STAT4: variants seen among roughly 807,000 people sequenced by gnomAD.
STAT4 encodes the protein signal transducer and activator of transcription 4.
Under a neutral mutation model 110.5 loss-of-function variants are expected in STAT4, and 42 were observed. That is an observed-to-expected ratio of 0.38 (90% CI 0.30 to 0.49). The LOEUF (loss-of-function observed/expected upper bound fraction) is 0.49, where lower values mean the gene tolerates loss of function less well. Ranked by LOEUF, STAT4 falls within the 20% of genes least tolerant of loss-of-function variation. The pLI, the probability that STAT4 is intolerant of heterozygous loss-of-function variation, is 0.95. For synonymous variants in STAT4, 284 were observed against 302.2 expected (o/e 0.94, Z 0.63); for missense variants, 632 against 887.9 (o/e 0.71, Z 3.66).
chr2:191,065,558 C>CAA (rs1458024660), intron 7 of STAT4, among the ~76,000 whole-genome samples: 6 of 152,058 alleles, frequency 3.9e-5, no homozygotes, highest in Non-Finnish European at 8.8e-5. Context: ...GAATTATTGT[C>CAA]AAAGTTCCTT....
rs1699574924 is a variant in STAT4 at position 191,150,769 on chromosome 2, C to G, written c.-2+178G>C. Among the ~76,000 whole-genome samples, 2 of 152,208 alleles carry G rather than the reference C, an allele frequency of 1.3e-5. No homozygotes were observed. The highest frequency in any genetic ancestry group is 4.1e-4 in the South Asian group (2 of 4,832). Reference sequence around the variant, plus strand: ...GAGCGGTTTCCGCGGAGAACCCGTGCCAGGGCGCATCTGTGGGTCGTGGAG... The same window carrying G: ...GAGCGGTTTCCGCGGAGAACCCGTGGCAGGGCGCATCTGTGGGTCGTGGAG... On this transcript the variant is annotated intron_variant, in intron 1 of 23. Coordinates refer to ENST00000392320, the MANE Select transcript of STAT4 (RefSeq NM_003151.4). The surrounding 1 kb of genome is among the most constrained non-coding windows in gnomAD (Gnocchi z 6.4).
rs1436012486 is a variant in STAT4 at position 191,066,975 on chromosome 2, A to G, written c.545-460T>C. On this transcript the variant is annotated intron_variant, in intron 6 of 23. Coordinates refer to ENST00000392320, the MANE Select transcript of STAT4 (RefSeq NM_003151.4). This position sits in a 1 kb window ranked among gnomAD's most constrained non-coding sequence, Gnocchi z 4.3. ...GCTTCATATGCAGGTTTTATGAGAA[A>G]CTGCCTGATAGAGTTACAGTCTTAT... Among the ~76,000 whole-genome samples, 2 of 151,856 alleles carry G rather than the reference A, an allele frequency of 1.3e-5. No homozygotes were observed. Among genetic ancestry groups the G allele is most frequent in the African/African-American group, 4.8e-5 (2 of 41,328 alleles).
rs1696244391 is a variant in STAT4 at position 191,042,799 on chromosome 2, G to T, written c.1252-1651C>A. On this transcript the variant is annotated intron_variant, in intron 14 of 23. Coordinates refer to ENST00000392320, the MANE Select transcript of STAT4 (RefSeq NM_003151.4). The surrounding 1 kb of genome is among the most constrained non-coding windows in gnomAD (Gnocchi z 4.2). Reference sequence around the variant, plus strand: ...TCTCTTTTTTTTTTTTCTTTTTTGAGATGCAGTTTTGCTCTTGTTGCCCAG... The same window carrying T: ...TCTCTTTTTTTTTTTTCTTTTTTGATATGCAGTTTTGCTCTTGTTGCCCAG... 6.7e-6 allele frequency among the ~76,000 whole-genome samples: 1 copy of T among 148,308 alleles called. No homozygotes were observed. The highest frequency in any genetic ancestry group is 6.8e-5 in the Admixed American group (1 of 14,788).
chr2:191,071,097 G>T (rs931023493), intron 5 of STAT4, among the ~76,000 whole-genome samples: 53 of 152,196 alleles, frequency 3.5e-4, no homozygotes, highest in Non-Finnish European at 3.7e-4. Context: ...CCCACCCGTA[G>T]TAATAACAGC....
rs1023799526 is a variant in STAT4, at chr2:191,062,471, T to C, written c.941+291A>G. ...TTCTCCATCCTTCATTTCATGGATA[T>C]GCACATAAGAAAAAACCCTTGAAAT... On this transcript the variant is annotated intron_variant, in intron 9 of 23. Coordinates refer to ENST00000392320, the MANE Select transcript of STAT4 (RefSeq NM_003151.4). The surrounding 1 kb of genome is among the most constrained non-coding windows in gnomAD (Gnocchi z 4.9). Among the ~76,000 whole-genome samples, 1 of 152,210 alleles carries C rather than the reference T, an allele frequency of 6.6e-6. No homozygotes were observed. The highest frequency in any genetic ancestry group is 1.5e-5 in the Non-Finnish European group (1 of 68,038).
chr2:191,029,832 T>G lies in STAT4; in HGVS notation c.*8A>C, dbSNP rs3024906. On this transcript the variant is annotated 3_prime_UTR_variant, in exon 24 of 24. Transcript: ENST00000392320. The surrounding 1 kb of genome is among the most constrained non-coding windows in gnomAD (Gnocchi z 4.5). ...GCTTCCTTTCTTGGTGCGTCAGAGT[T>G]TATCCTGTCATTCAGCAGAATAAGG... 6.2e-7 allele frequency: 1 copy of G among 1,601,818 alleles called. No individual in the cohort carries two copies. The highest frequency in any genetic ancestry group is 1.3e-5 in the African/African-American group (1 of 74,336).
chr2:191,119,990 G>A (rs1428593740), intron 3 of STAT4, among the ~76,000 whole-genome samples: 1 of 152,176 alleles, frequency 6.6e-6, no homozygotes, highest in African/African-American at 2.4e-5. Context: ...GTCAAGTGTA[G>A]TATCCACATG....
At chr2:191,129,526 C>G (rs1343498268) in intron 3 of STAT4, among the ~76,000 whole-genome samples, 1 of 152,034 alleles carries the variant, frequency 6.6e-6, no homozygotes, top group Non-Finnish European at 1.5e-5. Flanking sequence ...ACACATAAAG[C>G]AAAAACTCCA....
chr2:191,105,613 A>C (rs1698258004), intron 3 of STAT4, among the ~76,000 whole-genome samples: 1 of 152,220 alleles, frequency 6.6e-6, no homozygotes, highest in Non-Finnish European at 1.5e-5. Flanking sequence ...GCCAGTCTTC[A>C]TTTTACCCAC....
At chr2:191,085,558 G>A (rs980362228) in intron 3 of STAT4, among the ~76,000 whole-genome samples, 1 of 152,064 alleles carries the variant, frequency 6.6e-6, no homozygotes, top group African/African-American at 2.4e-5. Flanking sequence ...GAAAGCCACA[G>A]AAATAACCAA....
At chr2:191,093,336 A>G (rs538421997) in intron 3 of STAT4, among the ~76,000 whole-genome samples, 2 of 152,310 alleles carry the variant, frequency 1.3e-5, no homozygotes, top group African/African-American at 4.8e-5. Context: ...CCCCTCTGGG[A>G]TGAAGCTTCC....
chr2:191,100,966 CA>C (rs1318655012), intron 3 of STAT4, among the ~76,000 whole-genome samples: 10 of 151,976 alleles, frequency 6.6e-5, no homozygotes, highest in African/African-American at 2.4e-4. Context: ...GGTTTTAGAA[CA>C]TGTACTGTCA....
At position 191,036,222 on chromosome 2, in the gene STAT4, C is replaced by T. The variant is rs201470036; in HGVS notation, c.1512G>A (p.Ser504=). The T allele has an allele frequency of 1.2e-5, 20 of 1,613,988 alleles. No individual in the cohort carries two copies. The highest frequency in any genetic ancestry group is 1.6e-4 in the Middle Eastern group (1 of 6,084). ...CTGAGTTAAGACCACGACCAACGTA[C>T]GATGAAAACTGCCAGCTCATCACCT... ...LLEVMSWQFS[S]YVGRGLNSDQ... is the part of the protein sequence containing the mutation. Residue 504 remains serine (S), a synonymous_variant, in exon 17 of 24, where the codon TCG becomes TCA. Transcript: ENST00000392320.
At chr2:191,132,019 T>G (rs1183170687) in intron 3 of STAT4, 1 of 1,166,264 alleles carries the variant, frequency 8.6e-7, no homozygotes, top group Non-Finnish European at 1.1e-6. Flanking sequence ...CACACTAAAT[T>G]ACAATTGGAA....
intron 3 of STAT4, among the ~76,000 whole-genome samples, chr2:191,115,143 C>G (rs1317664889): frequency 6.6e-6 from 1 of 152,094 alleles, no homozygotes; most frequent in Non-Finnish European, 1.5e-5. Flanking sequence ...ACACACTGTG[C>G]TGAGTATTGG....
intron 3 of STAT4, among the ~76,000 whole-genome samples, chr2:191,079,202 T>C (rs1697396659): frequency 7.4e-6 from 1 of 134,406 alleles, no homozygotes; most frequent in African/African-American, 2.8e-5. Context: ...CTTCTTTATA[T>C]TTCTATATAC....
chr2:191,069,232 C>A (rs912023197), intron 6 of STAT4, among the ~76,000 whole-genome samples: 2 of 151,566 alleles, frequency 1.3e-5, no homozygotes, highest in African/African-American at 4.8e-5. Context: ...AATGCTTTTG[C>A]CTATATTTTA....
At chr2:191,093,238 C>T (rs1211977946) in intron 3 of STAT4, among the ~76,000 whole-genome samples, 1 of 152,208 alleles carries the variant, frequency 6.6e-6, no homozygotes, top group Non-Finnish European at 1.5e-5. Context: ...GGACAGACTG[C>T]CTCCTCAAGT....
Position 191,032,699 on chromosome 2 carries a change from G to A in STAT4, c.2044+259C>T, listed in dbSNP as rs1695932865. On this transcript the variant is annotated intron_variant, in intron 21 of 23. Coordinates refer to ENST00000392320, the MANE Select transcript of STAT4 (RefSeq NM_003151.4). The surrounding 1 kb of genome is among the most constrained non-coding windows in gnomAD (Gnocchi z 4.9). Reference sequence around the variant, plus strand: ...AGGAGAAAACTGAAGCTCTCCAAGTGGCTATGAGAGGCCCCCATGGCCATG... The same window carrying A: ...AGGAGAAAACTGAAGCTCTCCAAGTAGCTATGAGAGGCCCCCATGGCCATG... Among the ~76,000 whole-genome samples, 1 of 152,156 alleles carries A rather than the reference G, an allele frequency of 6.6e-6. No homozygotes were observed. Among genetic ancestry groups the A allele is most frequent in the Non-Finnish European group, 1.5e-5 (1 of 68,026 alleles).
Sources: allele counts gnomAD v4.1 joint callset (sites outside exome capture counted in the v4.1 genomes callset), GRCh38; gene constraint gnomAD v4.1.1; non-coding constraint Gnocchi (gnomAD v3.1); transcripts MANE v1.5; gene names NCBI Gene and HGNC (gene_info 2026-07-23, HGNC 2026-07-21).